Variants in KCNMB2 observed in about 807,000 individuals in gnomAD.
KCNMB2 encodes calcium-activated potassium channel subunit beta-2.
In KCNMB2, 9 loss-of-function variants were observed where a neutral mutation model predicts 24.5. That is an observed-to-expected ratio of 0.37 (90% CI 0.22 to 0.64). The LOEUF is 0.64. KCNMB2 is among the 30% of genes least tolerant of loss of function. The pLI is 0.63. For missense variants in KCNMB2, 226 were observed against 284.3 expected (o/e 0.79, Z 1.47); for synonymous variants, 109 against 104.4 (o/e 1.04, Z -0.27).
At chr3:178,831,697 T>G (rs1180835762) in intron 4 of KCNMB2, among the ~76,000 whole-genome samples, 1 of 151,958 alleles carries the variant, frequency 6.6e-6, no homozygotes, top group African/African-American at 2.4e-5. Flanking sequence ...TAGCTAAACA[T>G]TGAGTACACA....
intron 2 of KCNMB2, among the ~76,000 whole-genome samples, 200 bp from the exon 3 acceptor site, chr3:178,825,388 A>G (rs1714792479): frequency 6.6e-6 from 1 of 152,156 alleles, no homozygotes; most frequent in Non-Finnish European, 1.5e-5. Context: ...ACTGGTACAC[A>G]TACAAGCGTG....
intron 1 of KCNMB2, among the ~76,000 whole-genome samples, chr3:178,566,513 T>C (rs1454536414): frequency 1.3e-5 from 2 of 152,116 alleles, no homozygotes; most frequent in African/African-American, 4.8e-5. Flanking sequence ...ACACAAGCCA[T>C]TCAAAAACTT....
At chr3:178,664,746 G>A (rs930239721) in intron 1 of KCNMB2, among the ~76,000 whole-genome samples, 7 of 151,610 alleles carry the variant, frequency 4.6e-5, no homozygotes, top group Non-Finnish European at 8.8e-5. Flanking sequence ...AGGGAGGAAG[G>A]GAAAAATTTC....
chr3:178,717,654 A>G (rs547275138), intron 1 of KCNMB2, among the ~76,000 whole-genome samples: 22 of 152,308 alleles, frequency 1.4e-4, no homozygotes, highest in African/African-American at 4.8e-4. Flanking sequence ...GAGATACAAT[A>G]ATTCCTTATG....
chr3:178,754,150 GTA>G (rs755809548), intron 1 of KCNMB2, among the ~76,000 whole-genome samples: 2,245 of 106,134 alleles, frequency 0.021, 52 homozygotes, highest in African/African-American at 0.05. Flanking sequence ...ATATTCCATT[GTA>G]TATATATATA....
At chr3:178,564,453 A>G (rs76375186) in intron 1 of KCNMB2, among the ~76,000 whole-genome samples, 4 of 152,302 alleles carry the variant, frequency 2.6e-5, no homozygotes, top group Non-Finnish European at 5.9e-5. Flanking sequence ...CAACTGGAAA[A>G]ATTGAGAGGA....
intron 1 of KCNMB2, among the ~76,000 whole-genome samples, chr3:178,584,031 T>C (rs1717319801): frequency 6.6e-6 from 1 of 152,224 alleles, no homozygotes; most frequent in African/African-American, 2.4e-5. Flanking sequence ...TTTTGTCATG[T>C]TTTGTAATGT....
At chr3:178,610,040 T>TTAC (rs1718426279) in intron 1 of KCNMB2, among the ~76,000 whole-genome samples, 2 of 152,356 alleles carry the variant, frequency 1.3e-5, no homozygotes, top group South Asian at 4.1e-4. Context: ...ACTATCTTTT[T>TTAC]TCCAGTGTAT....
chr3:178,753,141 A>C lies in KCNMB2; in HGVS notation c.-67-54202A>C, dbSNP rs1325528457. 2.6e-5 allele frequency among the ~76,000 whole-genome samples: 4 copies of C among 152,318 alleles called. No homozygotes were observed. The East Asian group carries it at 7.7e-4, about 29-fold the overall frequency. The stretch of plus-strand genomic sequence containing the variant: ...ATGATGAGATTTCCTTCCTCTGAAA[A>C]TGTTACAGGATGTCAATGGCAGTCA... On this transcript the variant is annotated intron_variant, in intron 1 of 4. Transcript: ENST00000452583.
At chr3:178,603,378 G>C (rs547268910) in intron 1 of KCNMB2, among the ~76,000 whole-genome samples, 14 of 152,238 alleles carry the variant, frequency 9.2e-5, no homozygotes, top group African/African-American at 3.4e-4. Context: ...AGAGATTAAA[G>C]CTGTAGAAAT....
intron 1 of KCNMB2, chr3:178,757,049 G>A (rs1387079691): frequency 6.6e-6 from 1 of 151,402 alleles, no homozygotes; most frequent in African/African-American, 2.4e-5. Context: ...ATATTTCAGA[G>A]CCTTTCCTCA....
chr3:178,652,628 T>C (rs1720168100), intron 1 of KCNMB2, among the ~76,000 whole-genome samples: 1 of 151,934 alleles, frequency 6.6e-6, no homozygotes, highest in Non-Finnish European at 1.5e-5. Context: ...TTTTTTTTCT[T>C]TCTTAGCTAT....
intron 1 of KCNMB2, among the ~76,000 whole-genome samples, chr3:178,683,177 T>C (rs192960848): frequency 2.0e-5 from 3 of 152,192 alleles, no homozygotes; most frequent in Non-Finnish European, 1.5e-5. Context: ...TGCAGCAACA[T>C]GAATGCAGCT....
chr3:178,607,290 A>C (rs1718306810), intron 1 of KCNMB2, among the ~76,000 whole-genome samples: 1 of 152,220 alleles, frequency 6.6e-6, no homozygotes, highest in Admixed American at 6.5e-5. Context: ...CGGAGCCCTA[A>C]AGATTCTGAA....
intron 1 of KCNMB2, among the ~76,000 whole-genome samples, chr3:178,785,217 T>C (rs908160802): frequency 6.6e-6 from 1 of 152,080 alleles, no homozygotes; most frequent in African/African-American, 2.4e-5. Flanking sequence ...AATGAAAATT[T>C]AGGCAATGCT....
intron 1 of KCNMB2, among the ~76,000 whole-genome samples, chr3:178,796,332 G>A (rs1197746234): frequency 6.6e-6 from 1 of 152,112 alleles, no homozygotes; most frequent in Non-Finnish European, 1.5e-5. Context: ...CCCACTTTCA[G>A]TATTGGACAG....
At chr3:178,768,478 T>C (rs903778545) in intron 1 of KCNMB2, among the ~76,000 whole-genome samples, 2 of 152,210 alleles carry the variant, frequency 1.3e-5, no homozygotes, top group East Asian at 3.9e-4. Context: ...CTCTAAATGA[T>C]AATCTCAAAT....
chr3:178,727,738 C>T (rs1723010796), intron 1 of KCNMB2, among the ~76,000 whole-genome samples: 1 of 152,116 alleles, frequency 6.6e-6, no homozygotes, highest in South Asian at 2.1e-4. Context: ...AGGAATGCAT[C>T]ACTGCACACA....
chr3:178,620,139 A>G (rs984860490), intron 1 of KCNMB2, among the ~76,000 whole-genome samples: 3 of 152,176 alleles, frequency 2.0e-5, no homozygotes, highest in African/African-American at 7.2e-5. Context: ...ATATGTTCCT[A>G]TGCTTGAATA....
Sources: allele counts gnomAD v4.1 joint callset (sites outside exome capture counted in the v4.1 genomes callset), GRCh38; gene constraint gnomAD v4.1.1; transcripts MANE v1.5; gene names NCBI Gene and HGNC (gene_info 2026-07-23, HGNC 2026-07-21).